DDX10: variants seen among roughly 807,000 people sequenced by gnomAD.
DDX10 encodes the protein probable ATP-dependent RNA helicase DDX10.
A neutral mutation model predicts 104.3 loss-of-function variants in DDX10; 74 were observed. The ratio of observed to expected loss-of-function variants is 0.71; its 90% CI spans 0.59 to 0.86. The LOEUF (loss-of-function observed/expected upper bound fraction) is 0.86, where lower values mean the gene tolerates loss of function less well. Ranked by LOEUF, DDX10 falls within the 40% of genes least tolerant of loss-of-function variation. DDX10 has a pLI of 0.00. For missense variants in DDX10, 952 were observed against 1,040.0 expected (o/e 0.92, Z 1.16); for synonymous variants, 351 against 353.4 (o/e 0.99, Z 0.08).
At chr11:108,913,386 C>G (rs1185559144) in intron 16 of DDX10, among the ~76,000 whole-genome samples, 1 of 151,956 alleles carries the variant, frequency 6.6e-6, no homozygotes, top group Non-Finnish European at 1.5e-5. Context: ...ACATGTGAGG[C>G]GGAGGTAGAG....
intron 3 of DDX10, among the ~76,000 whole-genome samples, chr11:108,676,603 C>T (rs940609652): frequency 2.6e-5 from 4 of 152,096 alleles, no homozygotes; most frequent in Admixed American, 2.6e-4. Context: ...TGGGCTACCA[C>T]GCCAAGCTGA....
chr11:108,798,233 C>A (rs1032043853), intron 13 of DDX10, among the ~76,000 whole-genome samples: 2 of 152,112 alleles, frequency 1.3e-5, no homozygotes, highest in Admixed American at 1.3e-4. Flanking sequence ...TGTGCTCATC[C>A]TCAGTTATTC....
chr11:108,936,603 T>TAAG (rs1016058894), intron 17 of DDX10, among the ~76,000 whole-genome samples: 3 of 152,222 alleles, frequency 2.0e-5, no homozygotes, highest in Non-Finnish European at 4.4e-5. Context: ...TCTCTCTTTT[T>TAAG]GTGTTGGTTT....
At chr11:108,807,423 A>G (rs1862116198) in intron 13 of DDX10, among the ~76,000 whole-genome samples, 1 of 152,178 alleles carries the variant, frequency 6.6e-6, no homozygotes, top group South Asian at 2.1e-4. Context: ...CAGTTTAGAC[A>G]GTACTGCAGT....
At chr11:108,749,565 T>G (rs1591808650) in intron 13 of DDX10, among the ~76,000 whole-genome samples, 2 of 152,296 alleles carry the variant, frequency 1.3e-5, no homozygotes, top group Middle Eastern at 6.8e-3. Context: ...CTACTGACGC[T>G]TCTTAGAGGT....
chr11:108,893,769 G>A, intron 16 of DDX10, among the ~76,000 whole-genome samples: 1 of 151,928 alleles, frequency 6.6e-6, no homozygotes, highest in South Asian at 2.1e-4. Flanking sequence ...TCCCACCGGG[G>A]GAGCATTGAT....
intron 13 of DDX10, chr11:108,822,232 G>A (rs1862334528): frequency 4.9e-6 from 1 of 204,236 alleles, no homozygotes; most frequent in Non-Finnish European, 9.9e-6. Flanking sequence ...GTCATTCATT[G>A]ATGATCTGAA....
At chr11:108,775,127 T>C (rs933889744) in intron 13 of DDX10, among the ~76,000 whole-genome samples, 44 of 152,216 alleles carry the variant, frequency 2.9e-4, no homozygotes, top group East Asian at 2.1e-3. Flanking sequence ...GCCAAATGCA[T>C]CCTATTCTGA....
intron 16 of DDX10, among the ~76,000 whole-genome samples, chr11:108,888,019 A>T (rs1210876955): frequency 1.3e-5 from 2 of 151,934 alleles, no homozygotes; most frequent in Non-Finnish European, 2.9e-5. Context: ...CAATCAGAGG[A>T]AATGGGTATT....
chr11:108,799,785 T>C (rs755255137), intron 13 of DDX10, among the ~76,000 whole-genome samples: 2 of 152,224 alleles, frequency 1.3e-5, no homozygotes, highest in Non-Finnish European at 2.9e-5. Context: ...TTTGTCTTAT[T>C]TATTCTTACA....
chr11:108,803,047 C>T lies in DDX10; in HGVS notation c.1966-35399C>T, dbSNP rs112997514. Reference sequence around the variant, plus strand: ...TTGAATGTATCCTGCAGACCTTATACTCTACGATTACACATACATGCTGTC... The same window carrying T: ...TTGAATGTATCCTGCAGACCTTATATTCTACGATTACACATACATGCTGTC... On this transcript the variant is annotated intron_variant, in intron 13 of 17. Transcript: ENST00000322536. 6.2e-3 allele frequency among the ~76,000 whole-genome samples: 949 copies of T among 152,328 alleles called. 5 individuals carry two copies. The highest frequency in any genetic ancestry group is 0.021 in the African/African-American group (882 of 41,576).
At chr11:108,843,499 C>T (rs767904362) in intron 15 of DDX10, among the ~76,000 whole-genome samples, 7 of 151,394 alleles carry the variant, frequency 4.6e-5, no homozygotes, top group Non-Finnish European at 8.8e-5. Context: ...GTGGCTCACA[C>T]CTGTAATCCC....
At chr11:108,812,968 T>G in intron 13 of DDX10, among the ~76,000 whole-genome samples, 1 of 16,818 alleles carries the variant, frequency 5.9e-5, no homozygotes, top group Non-Finnish European at 1.9e-4. Context: ...GATGACAGAG[T>G]GACTCCATCT....
Position 108,673,400 on chromosome 11 carries a change from T to C in DDX10, c.187-67T>C. Reference sequence around the variant, plus strand: ...ACCAAGGATGAGCTGGGCAATACAATGTAGAGAAGAAATGGCTGTGTCGTG... The same window carrying C: ...ACCAAGGATGAGCTGGGCAATACAACGTAGAGAAGAAATGGCTGTGTCGTG... On this transcript the variant is annotated intron_variant, in intron 1 of 17. Transcript: ENST00000322536. 4.9e-6 allele frequency: 5 copies of C among 1,021,314 alleles called. 1 individual carries two copies. Among genetic ancestry groups the C allele is most frequent in the Admixed American group, 3.7e-5 (2 of 54,084 alleles). 63.3% of individuals were successfully genotyped at this position (1,021,314 alleles called of 1,614,324 possible).
At chr11:108,902,250 T>A (rs1863526362) in intron 16 of DDX10, among the ~76,000 whole-genome samples, 1 of 151,162 alleles carries the variant, frequency 6.6e-6, no homozygotes, top group South Asian at 2.1e-4. Flanking sequence ...GCAGCATAAA[T>A]CAAGAGTTCA....
chr11:108,670,078 A>G (rs1308412759), intron 1 of DDX10, among the ~76,000 whole-genome samples: 1 of 152,238 alleles, frequency 6.6e-6, no homozygotes, highest in African/African-American at 2.4e-5. Context: ...GGAAATTTAT[A>G]CAGAGGCCAT....
At chr11:108,715,760 A>G (rs1330405275) in intron 10 of DDX10, 119 bp from the exon 11 acceptor site, 1 of 616,018 alleles carries the variant, frequency 1.6e-6, no homozygotes, top group East Asian at 2.8e-5. Context: ...AATCTGATTC[A>G]TAGATGAGAA....
chr11:108,872,115 G>C (rs891148032), intron 16 of DDX10, among the ~76,000 whole-genome samples: 11 of 152,088 alleles, frequency 7.2e-5, no homozygotes, highest in Non-Finnish European at 1.5e-4. Context: ...CAGTAATCTT[G>C]ATTCTTACTT....
intron 6 of DDX10, 46 bp from the exon 7 acceptor site, chr11:108,688,886 GTTAC>G: frequency 1.3e-6 from 2 of 1,572,322 alleles, no homozygotes; most frequent in Non-Finnish European, 8.6e-7. Context: ...CTGGATTTCA[GTTAC>G]TTACATGACA....
Sources: gnomAD v4.1 joint callset for allele counts (sites outside exome capture counted in the v4.1 genomes callset) on GRCh38, gnomAD v4.1.1 for gene constraint, MANE v1.5 for transcripts, NCBI Gene and HGNC (gene_info 2026-07-23, HGNC 2026-07-21) for gene names.